ITGA2: variants seen among roughly 807,000 people sequenced by gnomAD.
ITGA2 encodes the protein integrin subunit alpha 2, also known as integrin alpha-2.
A neutral mutation model predicts 146.3 loss-of-function variants in ITGA2; 101 were observed. The observed-to-expected ratio is 0.69, with a 90% CI of 0.59 to 0.81. The LOEUF (loss-of-function observed/expected upper bound fraction) is 0.81. Ranked by LOEUF, ITGA2 falls within the 40% of genes least tolerant of loss-of-function variation. The probability of loss-of-function intolerance (pLI) is 0.00; values close to 1 mark genes in which losing one functional copy is unlikely to be tolerated. For synonymous variants in ITGA2, 477 were observed against 487.1 expected (o/e 0.98, Z 0.27); for missense variants, 1,281 against 1,402.7 (o/e 0.91, Z 1.39).
rs1363192 is a variant in ITGA2 at position 53,042,253 on chromosome 5, T to G, written c.295+32T>G. ...TTAAATTTACTTGCAAGGCATGTGA[T>G]TTGTCTTAGACTCAACTGAAAAATA... On this transcript the variant is annotated intron_variant, in intron 3 of 29. Coordinates refer to ENST00000296585, the MANE Select transcript of ITGA2 (RefSeq NM_002203.4). The G allele has an allele frequency of 0.28, 356,819 of 1,258,426 alleles. 51,949 individuals are homozygous for G. The highest frequency in any genetic ancestry group is 0.34 in the Admixed American group (20,506 of 59,470). The allele number at this position is 1,258,426 out of a possible 1,614,324, so 78.0% of individuals were successfully genotyped here.
At chr5:52,990,081 A>T (rs145589824) in intron 1 of ITGA2, 1 of 159,756 alleles carries the variant, frequency 6.3e-6, no homozygotes. Flanking sequence ...TAATGCCTCT[A>T]TTTCTTACTT....
intron 1 of ITGA2, among the ~76,000 whole-genome samples, chr5:52,999,029 A>C (rs1741437666): frequency 2.0e-5 from 3 of 152,178 alleles, no homozygotes; most frequent in Admixed American, 6.5e-5. Context: ...TTCCTTTTTC[A>C]TAACATGTCT....
chr5:53,081,572 C>T lies in ITGA2; in HGVS notation c.3040-20C>T, dbSNP rs746198848. ...AACTGTTTTGCTTCTGAAGTCTGAT[C>T]GGGTGTTCTTCTTTTATAGGCTGGT... is the stretch of plus-strand genomic sequence containing the variant. On this transcript the variant is annotated intron_variant, in intron 25 of 29. Transcript: ENST00000296585. 1.9e-5 allele frequency: 30 copies of T among 1,557,892 alleles called. No individual in the cohort carries two copies. In the African/African-American group the frequency reaches 2.0e-4, roughly 11 times the overall value.
At chr5:53,073,049 A>G in intron 19 of ITGA2, 69 bp from the exon 20 acceptor site, 1 of 1,530,584 alleles carries the variant, frequency 6.5e-7, no homozygotes, top group Non-Finnish European at 9.0e-7. Flanking sequence ...TTAATGAGTG[A>G]AATTTTAAAA....
intron 1 of ITGA2, among the ~76,000 whole-genome samples, chr5:53,006,864 A>T (rs1741885056): frequency 1.3e-5 from 2 of 152,038 alleles, no homozygotes; most frequent in Non-Finnish European, 2.9e-5. Context: ...CAAAAACATA[A>T]AAAAAAATTC....
At chr5:52,990,564 T>A (rs1205331266) in intron 1 of ITGA2, among the ~76,000 whole-genome samples, 1 of 81,204 alleles carries the variant, frequency 1.2e-5, no homozygotes, top group East Asian at 3.6e-4. Context: ...AAAGTGTGTG[T>A]GTGGTTTTTT....
intron 7 of ITGA2, 23 bp from the exon 8 acceptor site, chr5:53,055,507 GCAAGTCTT>G: frequency 6.2e-7 from 1 of 1,607,434 alleles, no homozygotes; most frequent in Non-Finnish European, 8.5e-7. Context: ...TATTTTGATA[GCAAGTCTT>G]TATTTAATTT....
chr5:52,992,551 G>T (rs1052271050), intron 1 of ITGA2, among the ~76,000 whole-genome samples: 16 of 152,106 alleles, frequency 1.1e-4, no homozygotes, highest in East Asian at 5.8e-4. Flanking sequence ...TGAAAGCCAG[G>T]AATTTGTCCC....
chr5:52,998,613 G>A (rs1741401719), intron 1 of ITGA2, among the ~76,000 whole-genome samples: 1 of 152,040 alleles, frequency 6.6e-6, no homozygotes, highest in African/African-American at 2.4e-5. Flanking sequence ...ATGCACCCTA[G>A]GAACCCTGCC....
At chr5:53,055,407 T>C (rs1744580881) in intron 7 of ITGA2, 131 bp from the exon 8 acceptor site, 1 of 781,594 alleles carries the variant, frequency 1.3e-6, no homozygotes, top group African/African-American at 1.7e-5. Flanking sequence ...AAATATGTCC[T>C]CAGAATTAAT....
chr5:53,044,983 T>C lies in ITGA2; in HGVS notation c.296-18T>C. Reference sequence around the variant, plus strand: ...AGGAATTTTTAATCACTTTTAAAAATTGTTTTCCCTTTGAAAGCTTCAACA... The same window carrying C: ...AGGAATTTTTAATCACTTTTAAAAACTGTTTTCCCTTTGAAAGCTTCAACA... On this transcript the variant is annotated intron_variant, in intron 3 of 29. Coordinates refer to ENST00000296585, the MANE Select transcript of ITGA2 (RefSeq NM_002203.4). 1 of 1,587,158 alleles carries C rather than the reference T, an allele frequency of 6.3e-7. No individual in the cohort carries two copies. Among genetic ancestry groups the C allele is most frequent in the Non-Finnish European group, 8.7e-7 (1 of 1,155,578 alleles).
chr5:53,019,596 G>T (rs957880113), intron 1 of ITGA2, among the ~76,000 whole-genome samples: 1 of 152,100 alleles, frequency 6.6e-6, no homozygotes, highest in Non-Finnish European at 1.5e-5. Flanking sequence ...CATGATCTCG[G>T]CTCACTCCAA....
chr5:53,003,359 A>G (rs1381488124), intron 1 of ITGA2, among the ~76,000 whole-genome samples: 1 of 152,152 alleles, frequency 6.6e-6, no homozygotes, highest in Non-Finnish European at 1.5e-5. Context: ...GTAACCAGTC[A>G]CCCCAAAATT....
intron 11 of ITGA2, 141 bp downstream of exon 11, chr5:53,060,153 T>G: frequency 1.1e-6 from 1 of 884,024 alleles, no homozygotes; most frequent in South Asian, 1.4e-5. Flanking sequence ...ATATGTTGTC[T>G]CTTTGCCAAT....
chr5:53,008,814 C>T (rs535515403), intron 1 of ITGA2, among the ~76,000 whole-genome samples: 1 of 152,174 alleles, frequency 6.6e-6, no homozygotes, highest in South Asian at 2.1e-4. Context: ...CTCCACTCTG[C>T]CAGGTCTGGT....
Position 53,074,972 on chromosome 5 carries a change from A to G in ITGA2, c.2665-89A>G, listed in dbSNP as rs1045489745. The G allele has an allele frequency of 9.3e-5, 78 of 839,706 alleles. 1 individual carries two copies. The South Asian group carries it at 1.1e-3, about 12-fold the overall frequency. 52.0% of individuals were successfully genotyped at this position (839,706 alleles called of 1,614,324 possible). On this transcript the variant is annotated intron_variant, in intron 21 of 29. Coordinates refer to ENST00000296585, the MANE Select transcript of ITGA2 (RefSeq NM_002203.4). Reference sequence around the variant, plus strand: ...TAAAATTCAGAATCAAATTTGAGTGAGTTTACTTTTATGAGAAACATTTTT... The same window carrying G: ...TAAAATTCAGAATCAAATTTGAGTGGGTTTACTTTTATGAGAAACATTTTT...
intron 1 of ITGA2, among the ~76,000 whole-genome samples, chr5:52,999,186 C>T (rs754078082): frequency 2.0e-4 from 30 of 152,092 alleles, no homozygotes; most frequent in Non-Finnish European, 3.2e-4. Context: ...GACTCTCTCT[C>T]CCACCGAATA....
intron 1 of ITGA2, among the ~76,000 whole-genome samples, chr5:53,024,004 G>A (rs1330887871): frequency 6.6e-6 from 1 of 152,188 alleles, no homozygotes; most frequent in Non-Finnish European, 1.5e-5. Flanking sequence ...TGAAGGGATG[G>A]TGATAAAGAA....
At position 53,093,746 on chromosome 5, in the gene ITGA2, T is replaced by C. The variant is rs1438614649; in HGVS notation, c.*3147T>C. ...GGGCATAAAAGATGTCATATTCAAA[T>C]TTCCATTTCATAAATGGTGTACAGA... On this transcript the variant is annotated 3_prime_UTR_variant, in exon 30 of 30. Transcript: ENST00000296585. The C allele has an allele frequency of 1.3e-5, 2 of 152,552 alleles. No homozygotes were observed. The highest frequency in any genetic ancestry group is 1.9e-4 in the East Asian group (1 of 5,200). 9.4% of individuals were successfully genotyped at this position (152,552 alleles called of 1,614,324 possible). A position where few individuals can be genotyped will look rare whatever the true frequency, so the allele number is the denominator to read the frequency against.
Sources: allele counts gnomAD v4.1 joint callset (sites outside exome capture counted in the v4.1 genomes callset), GRCh38; gene constraint gnomAD v4.1.1; transcripts MANE v1.5; gene names NCBI Gene and HGNC (gene_info 2026-07-23, HGNC 2026-07-21).